RNLS: variants seen among roughly 807,000 people sequenced by gnomAD.
RNLS encodes the protein renalase, FAD dependent amine oxidase.
RNLS carries 39 observed loss-of-function variants against 39.8 expected under a neutral mutation model. The observed-to-expected ratio is 0.98, with a 90% CI of 0.76 to 1.28. The LOEUF (loss-of-function observed/expected upper bound fraction) is 1.28, where lower values mean the gene tolerates loss of function less well. Ranked by LOEUF, RNLS falls within the 50% of genes most tolerant of loss-of-function variation. The pLI is 0.00. For missense variants in RNLS, 410 were observed against 413.3 expected, an observed-to-expected ratio of 0.99 and a Z score of 0.07; for synonymous variants, 147 against 150.7, an observed-to-expected ratio of 0.98 and a Z score of 0.18.
intron 4 of RNLS, among the ~76,000 whole-genome samples, chr10:88,441,511 T>C (rs1841711926): frequency 6.6e-6 from 1 of 152,248 alleles, no homozygotes. Flanking sequence ...TGTTCAGTGC[T>C]GACCTCTCTA....
chr10:88,382,348 G>A (rs946952132), intron 4 of RNLS, among the ~76,000 whole-genome samples: 1 of 151,930 alleles, frequency 6.6e-6, no homozygotes, highest in Non-Finnish European at 1.5e-5. Context: ...ATATATACAG[G>A]CATTTCTAGG....
chr10:88,274,763 C>A, exon 7 of RNLS: 2 of 417,730 alleles, frequency 4.8e-6, no homozygotes, highest in South Asian at 3.3e-5. Flanking sequence ...AAAGAAATTG[C>A]CGTATCATTT....
At chr10:88,529,428 T>C in intron 4 of RNLS, among the ~76,000 whole-genome samples, 1 of 152,162 alleles carries the variant, frequency 6.6e-6, no homozygotes, top group Non-Finnish European at 1.5e-5. Context: ...GTAACAAAAG[T>C]GGTTTGCTTT....
At chr10:88,257,667 A>T in the RNLS span, among the ~76,000 whole-genome samples, 1 of 152,178 alleles carries the variant, frequency 6.6e-6, no homozygotes, top group Admixed American at 6.5e-5. Flanking sequence ...TAATGGGGTA[A>T]ACAGGGGAAG....
chr10:88,528,042 TTAA>T (rs1847208678), intron 4 of RNLS, among the ~76,000 whole-genome samples: 1 of 149,744 alleles, frequency 6.7e-6, no homozygotes, highest in South Asian at 2.1e-4. Context: ...TAGAGAAGAG[TTAA>T]TAAAATGTGA....
chr10:88,582,080 A>G (rs1850611921), intron 2 of RNLS, 122 bp downstream of exon 2: 1 of 735,990 alleles, frequency 1.4e-6, no homozygotes, highest in Non-Finnish European at 2.2e-6. Context: ...TAACACCAAC[A>G]TAGCAATTGA....
In RNLS at chr10:88,285,499, T is replaced by C. The variant is rs775647474; in HGVS notation, c.884A>G (p.Asn295Ser). Reference protein sequence around the residue: ...CQKWRHSQVTNAAANCPGQMT... With the variant: ...CQKWRHSQVTSAAANCPGQMT... ...TTGGCCAGGACAGTTGGCAGCAGCA[T>C]TTGTAACCTGAAAAAGTAAAAAGAG... The change falls in exon 7 of 7, where the codon AAT becomes AGT. Residue 295 changes from asparagine (N) to serine (S), a missense_variant. Coordinates refer to ENST00000331772, the MANE Select transcript of RNLS (RefSeq NM_001031709.3). 3 of 1,612,768 alleles carry C rather than the reference T, an allele frequency of 1.9e-6. No homozygotes were observed. Among genetic ancestry groups the C allele is most frequent in the Non-Finnish European group, 2.5e-6 (3 of 1,179,170 alleles).
chr10:88,397,524 A>T (rs1675170030), intron 4 of RNLS, among the ~76,000 whole-genome samples: 1 of 151,966 alleles, frequency 6.6e-6, no homozygotes, highest in South Asian at 2.1e-4. Context: ...AGAAAGAAAG[A>T]TCTTAAATCA....
At chr10:88,262,586 T>C in the RNLS span, among the ~76,000 whole-genome samples, 1 of 152,164 alleles carries the variant, frequency 6.6e-6, no homozygotes. Context: ...CTGGCACAGA[T>C]AATTCATGAT....
the RNLS span, among the ~76,000 whole-genome samples, chr10:88,219,883 T>C: frequency 6.6e-6 from 1 of 152,234 alleles, no homozygotes; most frequent in South Asian, 2.1e-4. Flanking sequence ...GCTCCTGAGC[T>C]CCTTTGCCCC....
At chr10:88,407,190 C>T (rs1214981764) in intron 4 of RNLS, among the ~76,000 whole-genome samples, 2 of 152,004 alleles carry the variant, frequency 1.3e-5, no homozygotes, top group African/African-American at 4.8e-5. Context: ...ATCCCAATAA[C>T]TTATGGAAAA....
At chr10:88,276,084 G>A (rs1050714542) in intron 6 of RNLS, among the ~76,000 whole-genome samples, 3 of 151,714 alleles carry the variant, frequency 2.0e-5, no homozygotes, top group African/African-American at 4.8e-5. Context: ...AAAAACATGC[G>A]AATAATAAAA....
At chr10:88,425,084 T>A (rs1455577963) in intron 4 of RNLS, among the ~76,000 whole-genome samples, 1 of 152,116 alleles carries the variant, frequency 6.6e-6, no homozygotes, top group African/African-American at 2.4e-5. Context: ...CTGGGTGATA[T>A]CCATGCCACA....
At chr10:88,367,574 G>A (rs565471299) in intron 4 of RNLS, among the ~76,000 whole-genome samples, 19 of 152,220 alleles carry the variant, frequency 1.2e-4, no homozygotes, top group South Asian at 4.1e-4. Context: ...ATCATGGAGC[G>A]CACTTAATTC....
At chr10:88,525,419 T>A (rs1402558196) in intron 4 of RNLS, among the ~76,000 whole-genome samples, 1 of 152,152 alleles carries the variant, frequency 6.6e-6, no homozygotes, top group Non-Finnish European at 1.5e-5. Flanking sequence ...AGGGAAGGTG[T>A]TTAAGCAGAA....
intron 4 of RNLS, among the ~76,000 whole-genome samples, chr10:88,548,289 A>AAAAAAAAGAAAAG (rs1554927072): frequency 2.5e-5 from 2 of 80,246 alleles, no homozygotes; most frequent in African/African-American, 1.3e-4. Flanking sequence ...AAAAAAAAAA[A>AAAAAAAAGAAAAG]AAAAGAAAAG....
At chr10:88,191,591 A>T in the RNLS span, among the ~76,000 whole-genome samples, 12 of 152,222 alleles carry the variant, frequency 7.9e-5, no homozygotes, top group African/African-American at 2.9e-4. Context: ...AAATGCAGGG[A>T]TTAGAAGGCA....
At chr10:88,185,901 T>C in the RNLS span, among the ~76,000 whole-genome samples, 5 of 152,178 alleles carry the variant, frequency 3.3e-5, no homozygotes, top group Non-Finnish European at 5.9e-5. Flanking sequence ...CTAGTCTTGA[T>C]TTTACTAAGC....
the RNLS span, among the ~76,000 whole-genome samples, chr10:88,231,011 ATCCCTT>A: frequency 1.3e-5 from 2 of 152,254 alleles, no homozygotes; most frequent in Non-Finnish European, 2.9e-5. Context: ...CTGATTCCAT[ATCCCTT>A]TCCTTCATTA....
Sources: allele counts gnomAD v4.1 joint callset (sites outside exome capture counted in the v4.1 genomes callset), GRCh38; gene constraint gnomAD v4.1.1; transcripts MANE v1.5; gene names NCBI Gene and HGNC (gene_info 2026-07-23, HGNC 2026-07-21).